Variants in ANKRD30A observed in about 807,000 individuals in gnomAD.
ANKRD30A encodes the protein ankyrin repeat domain 30A.
In ANKRD30A, 170 loss-of-function variants were observed where a neutral mutation model predicts 166.3. The ratio of observed to expected loss-of-function variants is 1.02; its 90% CI spans 0.90 to 1.16. ANKRD30A has a LOEUF of 1.16. Ranked by LOEUF, ANKRD30A falls within the 50% of genes most tolerant of loss-of-function variation. The pLI is 0.00. For synonymous variants in ANKRD30A, 564 were observed against 508.9 expected (o/e 1.11, Z -1.46); for missense variants, 1,630 against 1,518.0 (o/e 1.07, Z -1.23).
At chr10:37,217,973 C>A in intron 33 of ANKRD30A, 95 bp downstream of exon 33, 1 of 828,862 alleles carries the variant, frequency 1.2e-6, no homozygotes, top group Non-Finnish European at 1.7e-6. Context: ...TTATTCAGGT[C>A]TAAATCAAAC....
chr10:37,209,266 G>A (rs1842152936), intron 31 of ANKRD30A, among the ~76,000 whole-genome samples: 1 of 152,116 alleles, frequency 6.6e-6, no homozygotes, highest in African/African-American at 2.4e-5. Context: ...ACCTGAGATT[G>A]GGTAATTTAT....
chr10:37,212,667 A>G (rs1487650478), intron 31 of ANKRD30A, among the ~76,000 whole-genome samples: 20 of 152,050 alleles, frequency 1.3e-4, no homozygotes, highest in Admixed American at 1.3e-3. Flanking sequence ...GTACCAAAAC[A>G]GAGATATAGA....
At chr10:37,263,612 T>C in the ANKRD30A span, among the ~76,000 whole-genome samples, 1 of 152,014 alleles carries the variant, frequency 6.6e-6, no homozygotes, top group Non-Finnish European at 1.5e-5. Context: ...CGTGCTCCTA[T>C]GAGAATCTAA....
At chr10:37,210,939 T>A (rs1176120948) in intron 31 of ANKRD30A, among the ~76,000 whole-genome samples, 2 of 152,156 alleles carry the variant, frequency 1.3e-5, no homozygotes, top group African/African-American at 4.8e-5. Flanking sequence ...TGATGTTAGT[T>A]GCTTTTGCTG....
At chr10:37,172,592 G>C (rs868726629) in intron 21 of ANKRD30A, among the ~76,000 whole-genome samples, 733 of 131,424 alleles carry the variant, frequency 5.6e-3, no homozygotes, top group Middle Eastern at 0.021. Flanking sequence ...GTCAGGTAAC[G>C]GGACAAACAA....
intron 5 of ANKRD30A, 40 bp from the exon 6 acceptor site, chr10:37,136,567 G>A (rs556234146): frequency 2.6e-5 from 25 of 976,226 alleles, no homozygotes; most frequent in Middle Eastern, 2.1e-4. Context: ...TAAAGTCAGT[G>A]TTAAAATGGT....
chr10:37,224,902 G>T (rs1006725811), intron 34 of ANKRD30A, among the ~76,000 whole-genome samples: 29 of 151,450 alleles, frequency 1.9e-4, no homozygotes, highest in African/African-American at 6.5e-4. Flanking sequence ...GATAATTTAT[G>T]TGTGTGTGTT....
chr10:37,201,147 TAA>T, intron 30 of ANKRD30A, 86 bp from the exon 31 acceptor site: 1 of 1,121,336 alleles, frequency 8.9e-7, no homozygotes, highest in Non-Finnish European at 1.2e-6. Flanking sequence ...GACTTTTTTT[TAA>T]AAAAAGATTT....
chr10:37,193,006 T>C, intron 25 of ANKRD30A, 58 bp from the exon 26 acceptor site: 1 of 1,567,298 alleles, frequency 6.4e-7, no homozygotes, highest in Non-Finnish European at 8.8e-7. Flanking sequence ...TGCGTGAATG[T>C]TCGGTAGGCT....
intron 13 of ANKRD30A, among the ~76,000 whole-genome samples, chr10:37,156,345 A>G (rs748845995): frequency 6.6e-6 from 1 of 152,106 alleles, no homozygotes; most frequent in Non-Finnish European, 1.5e-5. Flanking sequence ...GATTCTAAAC[A>G]ACTCCAGTGT....
At chr10:37,148,379 A>C (rs1351542051) in intron 9 of ANKRD30A, among the ~76,000 whole-genome samples, 1 of 152,166 alleles carries the variant, frequency 6.6e-6, no homozygotes, top group African/African-American at 2.4e-5. Flanking sequence ...AGTTACTGTC[A>C]CTAAACAAGG....
At chr10:37,131,945 G>T (rs1232303012) in intron 3 of ANKRD30A, among the ~76,000 whole-genome samples, 2 of 152,120 alleles carry the variant, frequency 1.3e-5, no homozygotes, top group African/African-American at 4.8e-5. Context: ...AGGATATAGA[G>T]ATAAAAGATA....
Position 37,141,779 on chromosome 10 carries a change from A to G in ANKRD30A, c.882A>G (p.Thr294=), listed in dbSNP as rs200560040. ...AAPLAERTPD[T]AESLVEKTPD... is the part of the protein sequence containing the mutation. ...CCTTGGCGGAAAGAACACCTGACAC[A>G]GCTGAAAGCTTGGTGGAAAAAACAC... The change falls in exon 7 of 36, where the codon ACA becomes ACG. Residue 294 remains threonine (T), a synonymous_variant. Coordinates refer to ENST00000361713, the MANE Select transcript of ANKRD30A (RefSeq NM_052997.3). 5.1e-5 allele frequency: 83 copies of G among 1,612,156 alleles called. No individual in the cohort carries two copies. The African/African-American group carries it at 1.0e-3, about 20-fold the overall frequency.
At chr10:37,149,907 G>C in intron 11 of ANKRD30A, 58 bp downstream of exon 11, 1 of 1,600,348 alleles carries the variant, frequency 6.2e-7, no homozygotes, top group Non-Finnish European at 8.5e-7. Flanking sequence ...ACATTTTGAT[G>C]GTCTTTCTAT....
At chr10:37,194,870 A>T (rs1840944086) in intron 27 of ANKRD30A, among the ~76,000 whole-genome samples, 1 of 152,136 alleles carries the variant, frequency 6.6e-6, no homozygotes, top group African/African-American at 2.4e-5. Context: ...CTTTTACTGA[A>T]GTGGGAGTAT....
chr10:37,257,377 G>T, the ANKRD30A span, among the ~76,000 whole-genome samples: 2 of 150,836 alleles, frequency 1.3e-5, no homozygotes, highest in Admixed American at 1.3e-4. Flanking sequence ...TTTTTGAAGG[G>T]TTTTTTGTGT....
intron 24 of ANKRD30A, among the ~76,000 whole-genome samples, chr10:37,179,360 A>G (rs1292585466): frequency 6.7e-6 from 1 of 150,100 alleles, no homozygotes; most frequent in Non-Finnish European, 1.5e-5. Flanking sequence ...TAAATGAAAT[A>G]CATCAATATT....
chr10:37,234,315 A>G (rs111500725), downstream of ANKRD30A, among the ~76,000 whole-genome samples: 1 of 152,216 alleles, frequency 6.6e-6, no homozygotes, highest in African/African-American at 2.4e-5. Context: ...TTAAAAAATT[A>G]TATTATAAAA....
intron 31 of ANKRD30A, among the ~76,000 whole-genome samples, chr10:37,207,937 G>T (rs1842079891): frequency 6.6e-6 from 1 of 152,100 alleles, no homozygotes; most frequent in African/African-American, 2.4e-5. Context: ...ATTAAAGAAA[G>T]TAATAGTAAA....
Sources: gnomAD v4.1 joint callset for allele counts (sites outside exome capture counted in the v4.1 genomes callset) on GRCh38, gnomAD v4.1.1 for gene constraint, MANE v1.5 for transcripts, NCBI Gene and HGNC (gene_info 2026-07-23, HGNC 2026-07-21) for gene names.